Variants in KIF25 observed in about 807,000 individuals in gnomAD.
KIF25 encodes the protein kinesin family member 25, also known as kinesin-like protein KIF25.
KIF25 carries 19 observed loss-of-function variants against 32.9 expected under a neutral mutation model. The ratio of observed to expected loss-of-function variants is 0.58; its 90% confidence interval spans 0.40 to 0.85. The LOEUF is 0.85. Ranked by LOEUF, KIF25 falls within the 40% of genes least tolerant of loss-of-function variation. The probability of loss-of-function intolerance (pLI) is 0.00; values close to 1 mark genes in which losing one functional copy is unlikely to be tolerated. For missense variants in KIF25, 485 were observed against 507.0 expected (o/e 0.96, Z 0.42); for synonymous variants, 225 against 213.7 (o/e 1.05, Z -0.46).
At chr6:168,032,706 A>T (rs982665666) in intron 7 of KIF25, among the ~76,000 whole-genome samples, 2 of 152,204 alleles carry the variant, frequency 1.3e-5, no homozygotes, top group East Asian at 1.9e-4. Context: ...AACAAGCTTT[A>T]TTTGTTGGAC....
At chr6:168,026,518 T>A (rs561268264) in intron 5 of KIF25, among the ~76,000 whole-genome samples, 1 of 152,094 alleles carries the variant, frequency 6.6e-6, no homozygotes, top group Non-Finnish European at 1.5e-5. Context: ...CAGAACATTG[T>A]TGGTTTTTAT....
At chr6:168,006,752 T>C (rs1330660440) in intron 4 of KIF25, among the ~76,000 whole-genome samples, 4 of 141,694 alleles carry the variant, frequency 2.8e-5, no homozygotes, top group African/African-American at 1.1e-4. Context: ...GATGATTTTG[T>C]GTCACGTTGA....
intron 5 of KIF25, among the ~76,000 whole-genome samples, chr6:168,026,476 A>C (rs144359673): frequency 7.2e-5 from 11 of 152,328 alleles, no homozygotes; most frequent in African/African-American, 2.6e-4. Context: ...CCGTGTTTTT[A>C]TAAACAGTGG....
chr6:167,998,446 CAG>C lies in KIF25; in HGVS notation c.-1022_-1021del, dbSNP rs1798452660. ...ATGTAGAAGGAGCTGCTCAGCATGA[CAG>C]GGTGGATAAACTTGCTGTGGATCCA... On this transcript the variant is annotated 5_prime_UTR_variant, in exon 1 of 13. An upstream open reading frame in the 5' UTR loses its in-frame stop. Coordinates refer to ENST00000643607, the MANE Select transcript of KIF25 (RefSeq NM_030615.4). 6.6e-6 allele frequency: 1 copy of C among 152,192 alleles called. No homozygotes were observed. The highest frequency in any genetic ancestry group is 1.5e-5 in the Non-Finnish European group (1 of 68,054). The allele number at this position is 152,192 out of a possible 1,614,324, so 9.4% of individuals were successfully genotyped here.
chr6:168,041,155 C>T (rs2114914112), intron 10 of KIF25, among the ~76,000 whole-genome samples: 1 of 152,338 alleles, frequency 6.6e-6, no homozygotes, highest in Non-Finnish European at 1.5e-5. Context: ...CTGGAAAGGC[C>T]ATTTCTCACT....
intron 4 of KIF25, among the ~76,000 whole-genome samples, chr6:168,011,724 A>G (rs528668058): frequency 6.6e-6 from 1 of 152,314 alleles, no homozygotes; most frequent in Admixed American, 6.5e-5. Flanking sequence ...TTTCTCTCAC[A>G]AGACTTGGGA....
At chr6:168,008,768 C>T (rs1798610346) in intron 4 of KIF25, among the ~76,000 whole-genome samples, 1 of 151,966 alleles carries the variant, frequency 6.6e-6, no homozygotes, top group Non-Finnish European at 1.5e-5. Context: ...TTTCTAATTA[C>T]CCTTTTAGAG....
chr6:168,030,855 A>G lies in KIF25; in HGVS notation c.167+8A>G. The G allele has an allele frequency of 6.2e-7, 1 of 1,602,882 alleles. No homozygotes were observed. The highest frequency in any genetic ancestry group is 1.3e-5 in the African/African-American group (1 of 74,570). Reference sequence around the variant, plus strand: ...CACTTCTCTCTTGGATGGGTGAGTTAAAATATTTTTAAGGCCAGTCATCAT... The same window carrying G: ...CACTTCTCTCTTGGATGGGTGAGTTGAAATATTTTTAAGGCCAGTCATCAT... On this transcript the variant is annotated splice_region_variant and intron_variant, in intron 7 of 12. Coordinates refer to ENST00000643607, the MANE Select transcript of KIF25 (RefSeq NM_030615.4).
chr6:168,033,908 G>C lies in KIF25; in HGVS notation c.194G>C (p.Gly65Ala). 4.3e-6 allele frequency: 7 copies of C among 1,614,178 alleles called. No homozygotes were observed. The highest frequency in any genetic ancestry group is 5.9e-6 in the Non-Finnish European group (7 of 1,180,026). Residue 65 changes from glycine (G) to alanine (A), a missense_variant, in exon 8 of 13, where the codon GGA becomes GCA. Gly to Ala is a moderately conservative substitution (Grantham distance 60, BLOSUM62 0). Around this residue, in one of 2 missense-constraint regions of KIF25, gnomAD observed 480 missense variants for 470.3 expected, o/e 1.02. Transcript: ENST00000643607. ...TACAATGTTTGTGTTATGGCGTATG[G>C]ACAGACGGGCAGCGGAAAGAGCTAT... ...DGYNVCVMAY[G>A]QTGSGKSYTM...
chr6:168,031,474 G>C (rs1798941287), intron 7 of KIF25, among the ~76,000 whole-genome samples: 1 of 152,216 alleles, frequency 6.6e-6, no homozygotes, highest in Non-Finnish European at 1.5e-5. Flanking sequence ...CAAGGACCTA[G>C]AAACTGTAAT....
At chr6:168,035,826 G>A (rs992328407) in intron 8 of KIF25, 7 of 455,564 alleles carry the variant, frequency 1.5e-5, no homozygotes, top group Middle Eastern at 6.5e-4. Flanking sequence ...GGGCAAGGCC[G>A]TACTCTCCCT....
intron 2 of KIF25, among the ~76,000 whole-genome samples, chr6:168,001,892 G>A (rs1209372679): frequency 1.2e-5 from 1 of 85,314 alleles, no homozygotes; most frequent in Non-Finnish European, 2.5e-5. Context: ...GCGTGGCCTC[G>A]GGCAGGTGAG....
rs372487471 is a variant in KIF25, at chr6:168,003,716, A to G, written c.-163+13A>G. 3 of 152,352 alleles carry G rather than the reference A, an allele frequency of 2.0e-5. No homozygotes were observed. In the East Asian group the frequency reaches 5.8e-4, roughly 29 times the overall value. 9.4% of individuals were successfully genotyped at this position (152,352 alleles called of 1,614,324 possible). On this transcript the variant is annotated intron_variant, in intron 4 of 12. Transcript: ENST00000643607. ...AGCTTCCTGCTTGGTGGGTGTCCGT[A>G]GTCCCCACAGATCCCTACAATGGAG... is the stretch of plus-strand genomic sequence containing the variant.
intron 4 of KIF25, chr6:168,017,763 G>A (rs1798735213): frequency 1.3e-5 from 2 of 152,136 alleles, no homozygotes; most frequent in South Asian, 2.1e-4. Context: ...TATTTTCGTC[G>A]TTGAAGGCCA....
intron 4 of KIF25, among the ~76,000 whole-genome samples, chr6:168,004,360 G>A (rs1033219315): frequency 1.3e-5 from 2 of 152,296 alleles, no homozygotes; most frequent in South Asian, 4.1e-4. Flanking sequence ...AGGGACTAAA[G>A]CAGATTGAAA....
chr6:168,021,964 C>T (rs1798793212), intron 5 of KIF25, among the ~76,000 whole-genome samples: 1 of 152,204 alleles, frequency 6.6e-6, no homozygotes, highest in Non-Finnish European at 1.5e-5. Flanking sequence ...TGAAGCTGCA[C>T]TGTTTCACTC....
At position 168,007,442 on chromosome 6, in the gene KIF25, T is replaced by C. The variant is rs116048745; in HGVS notation, c.-163+3739T>C. On this transcript the variant is annotated intron_variant, in intron 4 of 12. Coordinates refer to ENST00000643607, the MANE Select transcript of KIF25 (RefSeq NM_030615.4). Reference sequence around the variant, plus strand: ...AAAAACAAAAACAAACACAAAACCATACAATCAGTAAAATGATTACCACAG... The same window carrying C: ...AAAAACAAAAACAAACACAAAACCACACAATCAGTAAAATGATTACCACAG... 8.0e-3 allele frequency among the ~76,000 whole-genome samples: 1,214 copies of C among 152,012 alleles called. 18 individuals are homozygous for C. Among genetic ancestry groups the C allele is most frequent in the African/African-American group, 0.028 (1,157 of 41,462 alleles).
intron 4 of KIF25, among the ~76,000 whole-genome samples, chr6:168,007,003 T>G (rs1798588566): frequency 6.6e-6 from 1 of 152,252 alleles, no homozygotes; most frequent in Non-Finnish European, 1.5e-5. Flanking sequence ...ATTGATTGAT[T>G]CAGCTTTATT....
intron 8 of KIF25, among the ~76,000 whole-genome samples, chr6:168,038,043 G>T (rs1251433862): frequency 1.3e-5 from 2 of 152,158 alleles, no homozygotes; most frequent in Admixed American, 1.3e-4. Context: ...AGCCCGAGCT[G>T]GTTTTACGGG....
Sources: gnomAD v4.1 joint callset for allele counts (sites outside exome capture counted in the v4.1 genomes callset) on GRCh38, gnomAD v4.1.1 for gene constraint, gnomAD v4.1.1 regional missense constraint, MANE v1.5 for transcripts, NCBI Gene and HGNC (gene_info 2026-07-23, HGNC 2026-07-21) for gene names.